Variants in CFHR4 observed in about 807,000 individuals in gnomAD.
CFHR4 encodes the protein complement factor H related 4, also known as complement factor H-related protein 4.
In CFHR4, 64 loss-of-function variants were observed where a neutral mutation model predicts 69.3. The observed-to-expected ratio is 0.92, with a 90% CI of 0.76 to 1.14. The LOEUF (loss-of-function observed/expected upper bound fraction) is 1.14. Among genes scored for constraint, CFHR4 ranks in the 50% most tolerant of loss-of-function variants. The pLI is 0.00. For missense variants in CFHR4, 636 were observed against 684.9 expected (o/e 0.93, Z 0.80); for synonymous variants, 244 against 237.0 (o/e 1.03, Z -0.27).
rs777172829 is a variant in CFHR4, at chr1:196,910,471, A to G, written c.990A>G (p.Pro330=). The change falls in exon 6 of 10, where the codon CCA becomes CCG. Residue 330 remains proline, a synonymous_variant. Transcript: ENST00000608469. ...AAGATGGGTGGTTGCCAACAGTCCC[A>G]TGCCTCAGTAAGCAAACCTCTTTAC... ...CTQDGWLPTV[P]CLRTCSKSDI... is the part of the protein sequence containing the mutation. 6.2e-7 allele frequency: 1 copy of G among 1,611,282 alleles called. No individual in the cohort carries two copies. The highest frequency in any genetic ancestry group is 1.7e-5 in the Admixed American group (1 of 59,862).
At chr1:196,907,209 TC>T in intron 4 of CFHR4, 106 bp from the exon 5 acceptor site, 1 of 1,228,134 alleles carries the variant, frequency 8.1e-7, no homozygotes, top group African/African-American at 1.5e-5. Context: ...ACAAATGTCT[TC>T]CTAAGAAATC....
intron 1 of CFHR4, among the ~76,000 whole-genome samples, chr1:196,898,133 A>C (rs1657410802): frequency 6.6e-6 from 1 of 151,478 alleles, no homozygotes; most frequent in Non-Finnish European, 1.5e-5. Flanking sequence ...TTTTCAGAAA[A>C]AAAAAAATGT....
chr1:196,918,519 A>C lies in CFHR4; in HGVS notation c.*113A>C. 3 of 1,083,058 alleles carry C rather than the reference A, an allele frequency of 2.8e-6. No individual in the cohort carries two copies. The highest frequency in any genetic ancestry group is 4.1e-6 in the Non-Finnish European group (3 of 726,892). 67.1% of individuals were successfully genotyped at this position (1,083,058 alleles called of 1,614,324 possible). On this transcript the variant is annotated 3_prime_UTR_variant, in exon 10 of 10. Transcript: ENST00000608469. The stretch of plus-strand genomic sequence containing the variant: ...TGTAATTTCTACTTTATTTCAAAGA[A>C]AATTAATATAATAGTTTCAATTTGC...
chr1:196,908,577 A>G (rs1296312361), intron 5 of CFHR4, among the ~76,000 whole-genome samples: 1 of 151,508 alleles, frequency 6.6e-6, no homozygotes, highest in Non-Finnish European at 1.5e-5. Context: ...TAATACAGGT[A>G]TACTCTTAGA....
intron 1 of CFHR4, among the ~76,000 whole-genome samples, chr1:196,889,812 G>A (rs917107437): frequency 3.3e-5 from 5 of 151,496 alleles, no homozygotes; most frequent in African/African-American, 1.2e-4. Context: ...AAAGGTCAAT[G>A]ATTCAGGTGG....
chr1:196,918,208 A>G lies in CFHR4; in HGVS notation c.1541-2A>G, dbSNP rs769242537. 5.0e-6 allele frequency: 8 copies of G among 1,601,874 alleles called. No homozygotes were observed. Among genetic ancestry groups the G allele is most frequent in the South Asian group, 4.4e-5 (4 of 90,626 alleles). On this transcript the variant is annotated splice_acceptor_variant, in intron 9 of 9. Transcript: ENST00000608469. LOFTEE classifies it high-confidence loss of function. ...GTTAATTGTTTCTTTTTCTGCTTTCAGATCCATGTATAATAACTGAAGAAA... is the reference window on the plus strand; with the variant it reads ...GTTAATTGTTTCTTTTTCTGCTTTCGGATCCATGTATAATAACTGAAGAAA...
At chr1:196,909,692 C>G (rs1422178229) in intron 5 of CFHR4, among the ~76,000 whole-genome samples, 1 of 151,020 alleles carries the variant, frequency 6.6e-6, no homozygotes, top group Non-Finnish European at 1.5e-5. Context: ...ATGATATCAT[C>G]AAAAATGAAA....
At chr1:196,913,501 C>A (rs962568728) in intron 7 of CFHR4, among the ~76,000 whole-genome samples, 1 of 151,560 alleles carries the variant, frequency 6.6e-6, no homozygotes, top group Admixed American at 6.6e-5. Flanking sequence ...TACAAACCTC[C>A]TACCTGCCAA....
intron 1 of CFHR4, among the ~76,000 whole-genome samples, chr1:196,892,786 A>C (rs1657101787): frequency 6.6e-6 from 1 of 151,598 alleles, no homozygotes; most frequent in South Asian, 2.1e-4. Context: ...TTAAGAACAG[A>C]TAAATCATTC....
rs773453214 is a variant in CFHR4, at chr1:196,905,291, G to A, written c.439+1G>A. On this transcript the variant is annotated splice_donor_variant, in intron 3 of 9. Transcript: ENST00000608469. LOFTEE classifies it high-confidence loss of function. ...TGGTCAACACAACCAATTTGCATTA[G>A]TAAGTTATTTACATATTCCCACTCA... 1 of 1,610,730 alleles carries A rather than the reference G, an allele frequency of 6.2e-7. No homozygotes were observed. The highest frequency in any genetic ancestry group is 1.3e-5 in the African/African-American group (1 of 74,358).
intron 6 of CFHR4, 57 bp from the exon 7 acceptor site, chr1:196,912,683 C>A: frequency 2.0e-6 from 3 of 1,473,354 alleles, no homozygotes; most frequent in Non-Finnish European, 2.7e-6. Context: ...CTTGTTCCCT[C>A]CTATAAAAGA....
chr1:196,905,672 A>G (rs1657870052), intron 3 of CFHR4, among the ~76,000 whole-genome samples: 1 of 151,472 alleles, frequency 6.6e-6, no homozygotes, highest in Non-Finnish European at 1.5e-5. Context: ...CACACTCTTA[A>G]GATGTACATG....
chr1:196,906,776 A>T lies in CFHR4; in HGVS notation c.440-85A>T, dbSNP rs1571434569. The T allele has an allele frequency of 6.4e-6, 9 of 1,401,154 alleles. No individual in the cohort carries two copies. In the South Asian group the frequency reaches 1.2e-4, roughly 19 times the overall value. The allele number at this position is 1,401,154 out of a possible 1,614,324, so 86.8% of individuals were successfully genotyped here. On this transcript the variant is annotated intron_variant, in intron 3 of 9. Coordinates refer to ENST00000608469, the MANE Select transcript of CFHR4 (RefSeq NM_001201550.3). ...TTTATTAGCACACACTGATTGGTAA[A>T]TTTTATTCCTACAATGGGACTTTCT...
chr1:196,898,279 G>A (rs996009759), intron 1 of CFHR4, among the ~76,000 whole-genome samples: 5 of 151,414 alleles, frequency 3.3e-5, no homozygotes, highest in Non-Finnish European at 7.4e-5. Context: ...ACTAGTAGTG[G>A]GTGGGTACCT....
In CFHR4 at chr1:196,912,459, G is replaced by A. The variant is rs934462322; in HGVS notation, c.998-281G>A. Reference sequence around the variant, plus strand: ...CCAAAATATCATTAGGGACTTGAGAGTCTGCTAGATGTGCATTCCTTAAGG... The same window carrying A: ...CCAAAATATCATTAGGGACTTGAGAATCTGCTAGATGTGCATTCCTTAAGG... On this transcript the variant is annotated intron_variant, in intron 6 of 9. Coordinates refer to ENST00000608469, the MANE Select transcript of CFHR4 (RefSeq NM_001201550.3). 3.3e-5 allele frequency among the ~76,000 whole-genome samples: 5 copies of A among 151,320 alleles called. 1 individual carries two copies. The highest frequency in any genetic ancestry group is 2.0e-4 in the Admixed American group (3 of 15,154).
At chr1:196,917,093 C>T (rs61818956) in intron 9 of CFHR4, among the ~76,000 whole-genome samples, 17,256 of 151,034 alleles carry the variant, frequency 0.11, 1,412 homozygotes, top group Non-Finnish European at 0.18. Flanking sequence ...TTTTTTGGAT[C>T]TCAAAAGTGA....
chr1:196,917,113 T>C (rs909264326), intron 9 of CFHR4, among the ~76,000 whole-genome samples: 3 of 147,570 alleles, frequency 2.0e-5, no homozygotes, highest in African/African-American at 7.5e-5. Flanking sequence ...ATATGTACTA[T>C]GTTAAGAAAT....
At chr1:196,905,063 G>C (rs1225249790) in intron 2 of CFHR4, 45 bp from the exon 3 acceptor site, 1 of 1,465,450 alleles carries the variant, frequency 6.8e-7, no homozygotes, top group South Asian at 1.3e-5. Context: ...TATAAAAGAA[G>C]TATTCAACAA....
Position 196,918,370 on chromosome 1 carries a change from T to C in CFHR4, c.1701T>C (p.Cys567=). The C allele has an allele frequency of 1.9e-6, 3 of 1,612,296 alleles. No homozygotes were observed. Among genetic ancestry groups the C allele is most frequent in the Non-Finnish European group, 2.5e-6 (3 of 1,179,244 alleles). The change falls in exon 10 of 10, where the codon TGT becomes TGC. Residue 567 remains cysteine, a synonymous_variant. Transcript: ENST00000608469. ...CAGTTCTATCATTTCAAGCAGTGTG[T>C]AGGGAAGGCATAGTGGAATACCCCA... is the stretch of plus-strand genomic sequence containing the variant. ...NTSVLSFQAV[C]REGIVEYPRC...
Sources: allele counts gnomAD v4.1 joint callset (sites outside exome capture counted in the v4.1 genomes callset), GRCh38; gene constraint gnomAD v4.1.1; transcripts MANE v1.5; gene names NCBI Gene and HGNC (gene_info 2026-07-23, HGNC 2026-07-21).